OGA: variants seen among roughly 807,000 people sequenced by gnomAD.
The protein encoded by OGA is O-GlcNAcase, also known as protein O-GlcNAcase.
Under a neutral mutation model 102.0 loss-of-function variants are expected in OGA, and 21 were observed. The ratio of observed to expected loss-of-function variants is 0.21; its 90% CI spans 0.15 to 0.30. OGA has a LOEUF of 0.30. Among genes scored for constraint, OGA ranks in the 10% least tolerant of loss-of-function variants. The probability of loss-of-function intolerance (pLI) is 1.00; values close to 1 mark genes in which losing one functional copy is unlikely to be tolerated. For synonymous variants in OGA, 408 were observed against 378.2 expected, an observed-to-expected ratio of 1.08 and a Z score of -0.91; for missense variants, 765 against 1,107.8, an observed-to-expected ratio of 0.69 and a Z score of 4.39.
At chr10:101,792,259 C>T (rs1030463317) in intron 12 of OGA, among the ~76,000 whole-genome samples, 10 of 152,150 alleles carry the variant, frequency 6.6e-5, no homozygotes, top group Non-Finnish European at 1.2e-4. Context: ...CCGCCTGTCT[C>T]GGCCTCCCAA....
chr10:101,796,028 CTTAAA>C (rs1002131228), intron 10 of OGA: 6 of 423,208 alleles, frequency 1.4e-5, no homozygotes, highest in African/African-American at 6.5e-5. Context: ...TTTAATAATT[CTTAAA>C]TTAAAAACTG....
Position 101,803,250 on chromosome 10 carries a change from T to C in OGA, c.1036+485A>G, listed in dbSNP as rs140827883. Among the ~76,000 whole-genome samples, 80 of 151,930 alleles carry C rather than the reference T, an allele frequency of 5.3e-4. 1 individual carries two copies. The East Asian group carries it at 0.012, about 23-fold the overall frequency. ...ATCTAAAATATCCTTTTCAATAAAA[T>C]TGCCTGAAAATACATTTTATCCGAA... On this transcript the variant is annotated intron_variant, in intron 7 of 15. Transcript: ENST00000361464.
chr10:101,807,667 G>A (rs1243661299), intron 5 of OGA, 63 bp downstream of exon 5: 21 of 1,153,618 alleles, frequency 1.8e-5, no homozygotes, highest in Non-Finnish European at 2.3e-5. Context: ...TGGGGCCCAT[G>A]GTCCTTTATA....
intron 14 of OGA, among the ~76,000 whole-genome samples, chr10:101,789,575 A>C (rs183980687): frequency 6.6e-6 from 1 of 152,264 alleles, no homozygotes; most frequent in East Asian, 1.9e-4. Flanking sequence ...TTAGAAAAGG[A>C]AAAGAGAAAC....
In OGA at chr10:101,798,902, T is replaced by C. The variant is rs369547430; in HGVS notation, c.1749A>G (p.Gln583=). The C allele has an allele frequency of 4.8e-5, 77 of 1,614,068 alleles. No homozygotes were observed. In the East Asian group the frequency reaches 1.5e-3, roughly 32 times the overall value. ...PKGAQMLREF[Q]WLRANSSVVS... ...CAACACTACTATTTGCTCGAAGCCA[T>C]TGAAATTCCCGTAACATCTGTGCTC... is the stretch of plus-strand genomic sequence containing the variant. The change falls in exon 9 of 16, where the codon CAA becomes CAG. Residue 583 remains glutamine (Q), a synonymous_variant. Transcript: ENST00000361464.
intron 10 of OGA, chr10:101,795,810 A>C: frequency 5.3e-6 from 4 of 748,574 alleles, no homozygotes; most frequent in Non-Finnish European, 6.5e-6. Context: ...TGAGCTTAAA[A>C]AAAATAAAAA....
intron 1 of OGA, among the ~76,000 whole-genome samples, chr10:101,815,961 GAGAAAAAAAAAAAAAAA>G (rs2065617945): frequency 3.8e-4 from 9 of 23,790 alleles, no homozygotes; most frequent in African/African-American, 6.7e-4. Context: ...ATCAAAAAGA[GAGAAAAAAAAAAAAAAA>G]AAAAAAAAAA....
chr10:101,799,071 A>G lies in OGA; in HGVS notation c.1580T>C (p.Met527Thr), dbSNP rs2065356373. The G allele has an allele frequency of 1.2e-6, 2 of 1,614,178 alleles. No individual in the cohort carries two copies. Among genetic ancestry groups the G allele is most frequent in the Non-Finnish European group, 1.7e-6 (2 of 1,180,026 alleles). ...QEDCISDIAP[M>T]QTDEQTNKEQ... Reference sequence around the variant, plus strand: ...CTTGTTTGTCTGTTCATCAGTTTGCATGGGGGCAATGTCACTAATACAATC... The same window carrying G: ...CTTGTTTGTCTGTTCATCAGTTTGCGTGGGGGCAATGTCACTAATACAATC... The change falls in exon 9 of 16, where the codon ATG becomes ACG. Residue 527 changes from methionine (M) to threonine (T), a missense_variant. Physicochemically the swap from Met to Thr is moderately conservative, Grantham distance 81. Transcript: ENST00000361464.
In OGA at chr10:101,791,816, G is replaced by A. The variant is rs1013402172; in HGVS notation, c.2176-377C>T. On this transcript the variant is annotated intron_variant, in intron 12 of 15. Coordinates refer to ENST00000361464, the MANE Select transcript of OGA (RefSeq NM_012215.5). ...CAATTCGCTGGGATTACAGGCATACGCCACCATACTCATCTAATTTTTTTT... is the reference window on the plus strand; with the variant it reads ...CAATTCGCTGGGATTACAGGCATACACCACCATACTCATCTAATTTTTTTT... Among the ~76,000 whole-genome samples the A allele has an allele frequency of 6.1e-4, 92 of 151,394 alleles. 2 individuals are homozygous for A. Among genetic ancestry groups the A allele is most frequent in the Admixed American group, 5.7e-3 (87 of 15,202 alleles).
intron 7 of OGA, among the ~76,000 whole-genome samples, chr10:101,801,554 C>T (rs1009046814): frequency 6.6e-6 from 1 of 152,122 alleles, no homozygotes; most frequent in Non-Finnish European, 1.5e-5. Flanking sequence ...ATATTTCCTA[C>T]GTATGTCCCA....
intron 6 of OGA, among the ~76,000 whole-genome samples, chr10:101,804,710 C>T (rs753498071): frequency 3.4e-4 from 52 of 152,082 alleles, no homozygotes; most frequent in Non-Finnish European, 6.9e-4. Context: ...CTCACCTCAG[C>T]CTCCCAAGTA....
At chr10:101,802,640 G>A (rs1443731241) in intron 7 of OGA, among the ~76,000 whole-genome samples, 1 of 151,492 alleles carries the variant, frequency 6.6e-6, no homozygotes, top group African/African-American at 2.4e-5. Context: ...CTGCACTCCA[G>A]CCTGGGCAAC....
At chr10:101,812,905 T>C in intron 3 of OGA, 125 bp downstream of exon 3, 1 of 797,616 alleles carries the variant, frequency 1.3e-6, no homozygotes, top group Non-Finnish European at 2.2e-6. Flanking sequence ...AGTTACCAGA[T>C]AGAAGAAAAG....
chr10:101,812,750 C>T lies in OGA; in HGVS notation c.349+280G>A, dbSNP rs185624365. ...GCTCCAGCACTTCTTTGCCCAGTGG[C>T]CCACTGTTTAATCCACTGGCAGAAG... On this transcript the variant is annotated intron_variant, in intron 3 of 15. Coordinates refer to ENST00000361464, the MANE Select transcript of OGA (RefSeq NM_012215.5). The T allele has an allele frequency of 1.4e-3, 684 of 506,146 alleles. 4 individuals carry two copies. Among genetic ancestry groups the T allele is most frequent in the Middle Eastern group, 7.2e-3 (15 of 2,088 alleles). The allele number at this position is 506,146 out of a possible 1,614,324, so 31.4% of individuals were successfully genotyped here.
intron 5 of OGA, among the ~76,000 whole-genome samples, chr10:101,806,368 A>G (rs1384434257): frequency 1.3e-5 from 2 of 152,120 alleles, no homozygotes; most frequent in South Asian, 2.1e-4. Flanking sequence ...ACGCCCGGCT[A>G]ATTTTTTTTT....
chr10:101,796,555 C>T lies in OGA; in HGVS notation c.1984+1425G>A, dbSNP rs550494096. Among the ~76,000 whole-genome samples, 12 of 151,818 alleles carry T rather than the reference C, an allele frequency of 7.9e-5. No individual in the cohort carries two copies. The East Asian group carries it at 1.2e-3, about 15-fold the overall frequency. ...GACTACAGGTTTGAGCCGCTGCGCA[C>T]GGTCAGTATTTCCTTTATTTATTTA... On this transcript the variant is annotated intron_variant, in intron 10 of 15. Transcript: ENST00000361464.
chr10:101,787,772 C>A (rs558688415), intron 14 of OGA: 1 of 405,436 alleles, frequency 2.5e-6, no homozygotes, highest in South Asian at 3.5e-5. Flanking sequence ...CTCTCTCTCT[C>A]TCTCTCTCTT....
chr10:101,800,771 C>CTTTTTT (rs771355527), intron 7 of OGA, among the ~76,000 whole-genome samples: 16 of 117,640 alleles, frequency 1.4e-4, no homozygotes, highest in African/African-American at 2.5e-4. Flanking sequence ...CTTGTAACTT[C>CTTTTTT]TTTTTTTTTT....
chr10:101,815,944 A>G (rs1405029027), intron 1 of OGA, among the ~76,000 whole-genome samples: 1 of 138,362 alleles, frequency 7.2e-6, no homozygotes, highest in Non-Finnish European at 1.5e-5. Flanking sequence ...GGTGCCAACC[A>G]AGAGGTATCA....
Sources: gnomAD v4.1 joint callset for allele counts (sites outside exome capture counted in the v4.1 genomes callset) on GRCh38, gnomAD v4.1.1 for gene constraint, MANE v1.5 for transcripts, NCBI Gene and HGNC (gene_info 2026-07-23, HGNC 2026-07-21) for gene names.